UNC79: variants seen among roughly 807,000 people sequenced by gnomAD.
UNC79 encodes the protein protein unc-79 homolog.
In UNC79, 37 loss-of-function variants were observed where a neutral mutation model predicts 283.1. That is an observed-to-expected ratio of 0.13 (90% CI 0.10 to 0.17). The LOEUF (loss-of-function observed/expected upper bound fraction) is 0.17, where lower values mean the gene tolerates loss of function less well. UNC79 is among the 10% of genes least tolerant of loss of function. The pLI is 1.00. For missense variants in UNC79, 2,272 were observed against 3,211.1 expected (o/e 0.71, Z 7.07); for synonymous variants, 1,107 against 1,200.2 (o/e 0.92, Z 1.61).
At chr14:93,450,253 G>T (rs2056597019) in intron 1 of UNC79, among the ~76,000 whole-genome samples, 1 of 152,168 alleles carries the variant, frequency 6.6e-6, no homozygotes. Context: ...ACTTTCTGTG[G>T]GGGTAAAATG....
At chr14:93,402,919 A>G (rs899707562) in intron 1 of UNC79, among the ~76,000 whole-genome samples, 1 of 152,210 alleles carries the variant, frequency 6.6e-6, no homozygotes, top group African/African-American at 2.4e-5. Context: ...CGTGTGTCCA[A>G]GGTGGTTGAG....
At chr14:93,525,373 A>G (rs1206471001) in intron 8 of UNC79, among the ~76,000 whole-genome samples, 1 of 151,964 alleles carries the variant, frequency 6.6e-6, no homozygotes. Flanking sequence ...TACTTGAACC[A>G]GGGAGGTGGA....
chr14:93,576,038 C>T (rs2063459212), intron 17 of UNC79, among the ~76,000 whole-genome samples: 1 of 152,164 alleles, frequency 6.6e-6, no homozygotes, highest in African/African-American at 2.4e-5. Flanking sequence ...ACCATCTGTA[C>T]TTTCTTTCTT....
chr14:93,337,484 C>T (rs990696909), intron 1 of UNC79, among the ~76,000 whole-genome samples: 4 of 152,184 alleles, frequency 2.6e-5, no homozygotes, highest in Non-Finnish European at 1.5e-5. Flanking sequence ...TGAAGAGTGG[C>T]GAACCTTCTG....
intron 1 of UNC79, among the ~76,000 whole-genome samples, chr14:93,373,345 A>G (rs929926713): frequency 6.6e-6 from 1 of 152,092 alleles, no homozygotes; most frequent in Non-Finnish European, 1.5e-5. Context: ...AGTCAACAAA[A>G]CCAAAAGCTG....
intron 7 of UNC79, among the ~76,000 whole-genome samples, chr14:93,503,049 T>A (rs188266968): frequency 6.6e-6 from 1 of 152,324 alleles, no homozygotes; most frequent in African/African-American, 2.4e-5. Context: ...AATTTATAAG[T>A]GTTCATGGAC....
intron 1 of UNC79, among the ~76,000 whole-genome samples, chr14:93,402,924 G>T (rs898828117): frequency 6.6e-6 from 1 of 152,204 alleles, no homozygotes; most frequent in East Asian, 1.9e-4. Context: ...GTCCAAGGTG[G>T]TTGAGGCACA....
At chr14:93,479,983 A>T (rs1242948042) in intron 4 of UNC79, among the ~76,000 whole-genome samples, 2 of 152,250 alleles carry the variant, frequency 1.3e-5, no homozygotes, top group African/African-American at 4.8e-5. Flanking sequence ...TCTTAGGAAT[A>T]AGTTAATAAT....
In UNC79 at chr14:93,631,041, A is replaced by G; in HGVS notation, c.5716+133A>G. 18 of 815,024 alleles carry G rather than the reference A, an allele frequency of 2.2e-5. 1 individual carries two copies. In the South Asian group the frequency reaches 3.2e-4, roughly 14 times the overall value. The allele number at this position is 815,024 out of a possible 1,614,324, so 50.5% of individuals were successfully genotyped here. ...TTGCATCAGCTTCCTTGGTGATAGT[A>G]TGTTGTATATTCTCAGAGACCCTGA... On this transcript the variant is annotated intron_variant, in intron 31 of 48. Transcript: ENST00000555664.
At chr14:93,685,121 C>T (rs1345266365) in intron 42 of UNC79, among the ~76,000 whole-genome samples, 1 of 152,182 alleles carries the variant, frequency 6.6e-6, no homozygotes, top group African/African-American at 2.4e-5. Flanking sequence ...GTCTCTAAAA[C>T]AAAAGTGACT....
At chr14:93,425,312 C>T (rs1322255278) in intron 1 of UNC79, among the ~76,000 whole-genome samples, 2 of 152,116 alleles carry the variant, frequency 1.3e-5, no homozygotes, top group Non-Finnish European at 2.9e-5. Context: ...GAGTAACCGC[C>T]CCCATGACTG....
chr14:93,386,597 T>C (rs1309240266), intron 1 of UNC79, among the ~76,000 whole-genome samples: 3 of 152,230 alleles, frequency 2.0e-5, no homozygotes, highest in African/African-American at 7.2e-5. Context: ...CTTTGGGTCC[T>C]GGCATTTTCT....
intron 41 of UNC79, among the ~76,000 whole-genome samples, chr14:93,676,902 A>T (rs951902735): frequency 8.5e-5 from 13 of 152,346 alleles, no homozygotes; most frequent in East Asian, 3.9e-4. Context: ...TTTAAAACAA[A>T]TGTGTGACTT....
exon 22 of UNC79, chr14:93,586,890 A>G (rs553778458): frequency 1.9e-6 from 3 of 1,613,890 alleles, no homozygotes; most frequent in Non-Finnish European, 1.7e-6. Context: ...TACATTCAGG[A>G]CCACATGTTG....
chr14:93,620,606 GGA>G (rs2139907366), intron 29 of UNC79, among the ~76,000 whole-genome samples: 1 of 152,262 alleles, frequency 6.6e-6, no homozygotes, highest in South Asian at 2.1e-4. Flanking sequence ...TAAGCACACT[GGA>G]AAAGTTTCCC....
intron 38 of UNC79, 37 bp downstream of exon 41, chr14:93,655,444 C>A (rs1566867946): frequency 6.2e-7 from 1 of 1,604,656 alleles, no homozygotes; most frequent in Non-Finnish European, 8.5e-7. Flanking sequence ...CAATTAATTT[C>A]TTACCATTTT....
chr14:93,575,660 G>A (rs971100536), intron 17 of UNC79, among the ~76,000 whole-genome samples: 7 of 152,036 alleles, frequency 4.6e-5, no homozygotes, highest in African/African-American at 1.7e-4. Context: ...CCATTTTATT[G>A]ACCCCTTTGC....
chr14:93,486,447 G>T (rs2058436356), intron 4 of UNC79, among the ~76,000 whole-genome samples: 2 of 151,764 alleles, frequency 1.3e-5, no homozygotes. Flanking sequence ...ACGAGGTCAG[G>T]AGTTCAAGAC....
At chr14:93,432,024 T>G (rs531966601) in intron 1 of UNC79, among the ~76,000 whole-genome samples, 3 of 152,356 alleles carry the variant, frequency 2.0e-5, no homozygotes, top group East Asian at 3.9e-4. Context: ...CAGAACTTAT[T>G]CACCTAGATT....
Sources: allele counts gnomAD v4.1 joint callset (sites outside exome capture counted in the v4.1 genomes callset), GRCh38; gene constraint gnomAD v4.1.1; transcripts MANE v1.5; gene names NCBI Gene and HGNC (gene_info 2026-07-23, HGNC 2026-07-21).